RSAD1: variants seen among roughly 807,000 people sequenced by gnomAD.
RSAD1 encodes radical S-adenosyl methionine domain-containing protein 1, mitochondrial.
RSAD1 carries 34 observed loss-of-function variants against 46.2 expected under a neutral mutation model. The observed-to-expected ratio is 0.74, with a 90% CI of 0.56 to 0.98. The LOEUF is 0.98. RSAD1 is among the 50% of genes least tolerant of loss of function. RSAD1 has a pLI of 0.00. For missense variants in RSAD1, 635 were observed against 592.3 expected (o/e 1.07, Z -0.75); for synonymous variants, 260 against 253.5 (o/e 1.03, Z -0.24).
rs773539853 is a variant in RSAD1, at chr17:50,479,690, T to C, written c.197T>C (p.Leu66Pro). Reference sequence around the variant, plus strand: ...TTCAACAAGTACATCCCTCGCCGCCTGGAGGAGGCTGCCATGCAGAAGTGT... The same window carrying C: ...TTCAACAAGTACATCCCTCGCCGCCCGGAGGAGGCTGCCATGCAGAAGTGT... Reference protein sequence around the residue: ...CNFNKYIPRRLEEAAMQKCLV... With the variant: ...CNFNKYIPRRPEEAAMQKCLV... The change falls in exon 2 of 9, where the codon CTG becomes CCG. Residue 66 changes from leucine to proline, a missense_variant. By Grantham distance (98) the Leu-to-Pro change is moderately conservative. Coordinates refer to ENST00000258955, the MANE Select transcript of RSAD1 (RefSeq NM_018346.3). 4 of 1,613,866 alleles carry C rather than the reference T, an allele frequency of 2.5e-6. No individual in the cohort carries two copies. Among genetic ancestry groups the C allele is most frequent in the Non-Finnish European group, 3.4e-6 (4 of 1,180,020 alleles).
chr17:50,485,442 C>T lies in RSAD1; in HGVS notation c.*581C>T, dbSNP rs1431093590. 1 of 152,474 alleles carries T rather than the reference C, an allele frequency of 6.6e-6. No homozygotes were observed. Among genetic ancestry groups the T allele is most frequent in the Non-Finnish European group, 1.5e-5 (1 of 68,248 alleles). The allele number at this position is 152,474 out of a possible 1,614,324, so 9.4% of individuals were successfully genotyped here. On this transcript the variant is annotated 3_prime_UTR_variant, in exon 9 of 9. Transcript: ENST00000258955. Reference sequence around the variant, plus strand: ...GTCTCAGCTTCCAGCAGCACAAAAGCAGATGATGTACTGGAAAATGCTCAG... The same window carrying T: ...GTCTCAGCTTCCAGCAGCACAAAAGTAGATGATGTACTGGAAAATGCTCAG...
chr17:50,480,031 A>G lies in RSAD1; in HGVS notation c.421A>G (p.Arg141Gly), dbSNP rs1470278872. 2 of 1,614,202 alleles carry G rather than the reference A, an allele frequency of 1.2e-6. No homozygotes were observed. Among genetic ancestry groups the G allele is most frequent in the Non-Finnish European group, 8.5e-7 (1 of 1,180,038 alleles). The change falls in exon 3 of 9, where the codon AGA (arginine) becomes GGA (glycine). Residue 141 changes from arginine to glycine, a missense_variant. Arg to Gly is a moderately radical substitution (Grantham distance 125, BLOSUM62 -2). Coordinates refer to ENST00000258955, the MANE Select transcript of RSAD1 (RefSeq NM_018346.3). Reference sequence around the variant, plus strand: ...TAATCCTACTTCAGCTCCGGGCTCCAGACTGGCAGAGTTCGGGGCAGCAGG... The same window carrying G: ...TAATCCTACTTCAGCTCCGGGCTCCGGACTGGCAGAGTTCGGGGCAGCAGG... ...EANPTSAPGSRLAEFGAAGVN... is the reference protein window; with the variant it reads ...EANPTSAPGSGLAEFGAAGVN...
chr17:50,481,047 AT>A (rs2033375782), intron 3 of RSAD1, among the ~76,000 whole-genome samples: 1 of 152,172 alleles, frequency 6.6e-6, no homozygotes. Context: ...AATAATTATA[AT>A]TCGTAAATAA....
chr17:50,479,847 C>A (rs369511631), intron 2 of RSAD1, 33 bp from the exon 3 acceptor site: 10 of 1,598,990 alleles, frequency 6.3e-6, no homozygotes, highest in Non-Finnish European at 8.5e-6. Flanking sequence ...AGAGGGCTCC[C>A]CCAGGTCTCA....
chr17:50,480,705 A>AT (rs2033370978), intron 3 of RSAD1: 2 of 153,472 alleles, frequency 1.3e-5, no homozygotes, highest in Non-Finnish European at 1.5e-5. Flanking sequence ...ATAGGGAGCC[A>AT]TTGAAGGTTT....
At chr17:50,480,202 C>A in intron 3 of RSAD1, 118 bp downstream of exon 3, 1 of 1,003,302 alleles carries the variant, frequency 1.0e-6, no homozygotes, top group Non-Finnish European at 1.6e-6. Context: ...GCCAGGGACA[C>A]AGTAGGGCCT....
chr17:50,484,595 C>G (rs2033428314), intron 8 of RSAD1, 50 bp downstream of exon 8: 2 of 1,577,548 alleles, frequency 1.3e-6, no homozygotes, highest in Admixed American at 1.7e-5. Context: ...CCAGGGAGCC[C>G]TGACTACAGC....
In RSAD1 at chr17:50,482,266, A is replaced by G. The variant is rs755129256; in HGVS notation, c.650A>G (p.His217Arg). Residue 217 changes from histidine (H) to arginine (R), a missense_variant, in exon 4 of 9, where the codon CAC becomes CGC. Transcript: ENST00000258955. Reference protein sequence around the residue: ...PWLGQLQELLHHCDDHLSLYQ... With the variant: ...PWLGQLQELLRHCDDHLSLYQ... Reference sequence around the variant, plus strand: ...CTTGGGCAGCTGCAGGAACTGCTGCACCACTGTGATGACCACCTCTCCCTC... The same window carrying G: ...CTTGGGCAGCTGCAGGAACTGCTGCGCCACTGTGATGACCACCTCTCCCTC... 6.3e-7 allele frequency: 1 copy of G among 1,585,834 alleles called. No individual in the cohort carries two copies. The highest frequency in any genetic ancestry group is 1.1e-5 in the South Asian group (1 of 87,678).
In RSAD1 at chr17:50,483,062, G is replaced by A. The variant is rs1417585605; in HGVS notation, c.905-278G>A. On this transcript the variant is annotated intron_variant, in intron 5 of 8. Coordinates refer to ENST00000258955, the MANE Select transcript of RSAD1 (RefSeq NM_018346.3). The stretch of plus-strand genomic sequence containing the variant: ...TAAAAAAAAAAGAAAAAGAAAAAAG[G>A]GCCTGGTGTCATGTGCCTCTAATCT... Among the ~76,000 whole-genome samples the A allele has an allele frequency of 1.8e-4, 27 of 150,232 alleles. 1 individual carries two copies. The highest frequency in any genetic ancestry group is 5.4e-4 in the African/African-American group (22 of 40,824).
In RSAD1 at chr17:50,484,427, C is replaced by T. The variant is rs1209058817; in HGVS notation, c.1108-15C>T. ...CCAGGCCAGCTCCCCACCTCTGACC[C>T]TCTGGCTTCCCCAGCACTGGCAGCA... On this transcript the variant is annotated splice_polypyrimidine_tract_variant and intron_variant, in intron 7 of 8. Coordinates refer to ENST00000258955, the MANE Select transcript of RSAD1 (RefSeq NM_018346.3). The T allele has an allele frequency of 1.9e-6, 3 of 1,612,132 alleles. No individual in the cohort carries two copies. The African/African-American group carries it at 4.0e-5, about 21-fold the overall frequency.
rs2033430675 is a variant in RSAD1, at chr17:50,484,728, C to T, written c.1212-16C>T. ...GTAAGATGAAGTAGTCACCTTCAGG[C>T]CTCTTGGTTTTCCAGGGGTCTTCGG... is the stretch of plus-strand genomic sequence containing the variant. On this transcript the variant is annotated splice_polypyrimidine_tract_variant and intron_variant, in intron 8 of 8. Coordinates refer to ENST00000258955, the MANE Select transcript of RSAD1 (RefSeq NM_018346.3). 3 of 1,608,014 alleles carry T rather than the reference C, an allele frequency of 1.9e-6. No individual in the cohort carries two copies. Among genetic ancestry groups the T allele is most frequent in the Admixed American group, 1.7e-5 (1 of 59,880 alleles).
chr17:50,484,384 C>T, intron 7 of RSAD1, 58 bp from the exon 8 acceptor site: 1 of 1,498,240 alleles, frequency 6.7e-7, no homozygotes, highest in South Asian at 1.2e-5. Context: ...CATACCCCAA[C>T]TATGTGGCCC....
rs1256055981 is a variant in RSAD1, at chr17:50,485,013, G to A, written c.*152G>A. The A allele has an allele frequency of 4.8e-6, 3 of 629,562 alleles. No homozygotes were observed. Among genetic ancestry groups the A allele is most frequent in the Non-Finnish European group, 8.5e-6 (3 of 352,030 alleles). 39.0% of individuals were successfully genotyped at this position (629,562 alleles called of 1,614,324 possible). A position where few individuals can be genotyped will look rare whatever the true frequency, so the allele number is the denominator to read the frequency against. ...TCCCCAGGGGAATGGCAGCAGTGAG[G>A]TAGATGGGAGGACATTTCTGGTCAG... On this transcript the variant is annotated 3_prime_UTR_variant, in exon 9 of 9. Transcript: ENST00000258955.
At chr17:50,481,949 G>T in intron 3 of RSAD1, 142 bp from the exon 4 acceptor site, 1 of 963,536 alleles carries the variant, frequency 1.0e-6, no homozygotes, top group Non-Finnish European at 1.5e-6. Flanking sequence ...GCAGCTCTTG[G>T]TGCCAGCTTG....
Position 50,480,145 on chromosome 17 carries a change from G to C in RSAD1, c.474+61G>C, listed in dbSNP as rs769702892. 8.4e-6 allele frequency: 13 copies of C among 1,550,860 alleles called. No individual in the cohort carries two copies. In the Admixed American group the frequency reaches 2.2e-4, roughly 26 times the overall value. ...CGCCCTTCAGTGCCATCTCCTCTTTGGTCACATTCATTCATTGGGCAAACA... is the reference window on the plus strand; with the variant it reads ...CGCCCTTCAGTGCCATCTCCTCTTTCGTCACATTCATTCATTGGGCAAACA... On this transcript the variant is annotated intron_variant, in intron 3 of 8. Transcript: ENST00000258955.
Position 50,482,185 on chromosome 17 carries a change from G to C in RSAD1, c.569G>C (p.Gly190Ala). ...TLAEARRLFP[G>A]RVSVDLMLGL... ...GCAGAGGCCCGGCGCCTCTTTCCCG[G>C]GCGCGTGTCTGTAGACTTGATGCTG... Residue 190 changes from glycine to alanine, a missense_variant, in exon 4 of 9, where the codon GGG (glycine) becomes GCG (alanine). By Grantham distance (60) the Gly-to-Ala change is moderately conservative. Transcript: ENST00000258955. The C allele has an allele frequency of 6.3e-7, 1 of 1,578,184 alleles. No homozygotes were observed. The highest frequency in any genetic ancestry group is 8.6e-7 in the Non-Finnish European group (1 of 1,159,670).
intron 7 of RSAD1, 65 bp downstream of exon 7, chr17:50,483,825 C>T: frequency 6.9e-7 from 1 of 1,440,934 alleles, no homozygotes; most frequent in Non-Finnish European, 9.5e-7. Context: ...TGCCCCCTCC[C>T]TGCCACCCCC....
intron 7 of RSAD1, 91 bp downstream of exon 7, chr17:50,483,851 C>G (rs988593285): frequency 2.4e-6 from 3 of 1,249,186 alleles, no homozygotes; most frequent in Admixed American, 5.2e-5. Context: ...ACACATATAC[C>G]TCCAATTTCT....
At position 50,483,774 on chromosome 17, in the gene RSAD1, A is replaced by T. The variant is rs868689555; in HGVS notation, c.1107+14A>T. Reference sequence around the variant, plus strand: ...ATCACTCACCAGGTAAGGAGTTAGGATTCTTGCACACCACTCCCTCCTAAA... The same window carrying T: ...ATCACTCACCAGGTAAGGAGTTAGGTTTCTTGCACACCACTCCCTCCTAAA... On this transcript the variant is annotated intron_variant, in intron 7 of 8. Transcript: ENST00000258955. 6.2e-7 allele frequency: 1 copy of T among 1,600,866 alleles called. No homozygotes were observed. The highest frequency in any genetic ancestry group is 1.1e-5 in the South Asian group (1 of 89,028).
Sources: gnomAD v4.1 joint callset for allele counts (sites outside exome capture counted in the v4.1 genomes callset) on GRCh38, gnomAD v4.1.1 for gene constraint, MANE v1.5 for transcripts, NCBI Gene and HGNC (gene_info 2026-07-23, HGNC 2026-07-21) for gene names.